Variants in GRID2 observed in about 807,000 individuals in gnomAD.
GRID2 encodes the protein glutamate ionotropic receptor delta type subunit 2, also known as glutamate receptor ionotropic, delta-2.
Under a neutral mutation model 114.8 loss-of-function variants are expected in GRID2, and 33 were observed. The ratio of observed to expected loss-of-function variants is 0.29; its 90% confidence interval spans 0.22 to 0.38. The LOEUF (loss-of-function observed/expected upper bound fraction) is 0.38, where lower values mean the gene tolerates loss of function less well. Ranked by LOEUF, GRID2 falls within the 10% of genes least tolerant of loss-of-function variation. The pLI is 1.00. For synonymous variants in GRID2, 505 were observed against 449.9 expected, an observed-to-expected ratio of 1.12 and a Z score of -1.55; for missense variants, 1,184 against 1,257.7, an observed-to-expected ratio of 0.94 and a Z score of 0.89.
intron 8 of GRID2, among the ~76,000 whole-genome samples, chr4:93,257,783 C>T (rs1287927591): frequency 2.0e-5 from 3 of 151,274 alleles, no homozygotes; most frequent in Non-Finnish European, 4.4e-5. Context: ...GAGTGCCCTA[C>T]TTGGTAATAT....
At chr4:93,259,271 G>A (rs559778706) in intron 8 of GRID2, among the ~76,000 whole-genome samples, 2 of 151,890 alleles carry the variant, frequency 1.3e-5, no homozygotes, top group South Asian at 4.1e-4. Flanking sequence ...GATTTAACTT[G>A]TCACTAGAAT....
chr4:93,686,446 G>T (rs1726086592), intron 14 of GRID2, among the ~76,000 whole-genome samples: 2 of 151,762 alleles, frequency 1.3e-5, no homozygotes, highest in Non-Finnish European at 2.9e-5. Flanking sequence ...GCTACTATGT[G>T]CCAGATATTG....
rs1657142852 is a variant in GRID2 at position 92,644,722 on chromosome 4, G to C, written c.244+54436G>C. 2.0e-5 allele frequency among the ~76,000 whole-genome samples: 3 copies of C among 151,462 alleles called. 1 individual carries two copies. The highest frequency in any genetic ancestry group is 6.6e-5 in the Admixed American group (1 of 15,140). ...TACTTATTGATAATGGACAAAATAT[G>C]TTTACTCTTTTTGTGAGGTCATCTT... is the stretch of plus-strand genomic sequence containing the variant. On this transcript the variant is annotated intron_variant, in intron 2 of 15. Transcript: ENST00000282020.
At chr4:92,367,321 T>C (rs746004382) in intron 1 of GRID2, among the ~76,000 whole-genome samples, 7 of 152,192 alleles carry the variant, frequency 4.6e-5, no homozygotes, top group South Asian at 2.1e-4. Flanking sequence ...ATAATGTGCA[T>C]GTACATCAAT....
intron 14 of GRID2, among the ~76,000 whole-genome samples, chr4:93,648,849 T>TA (rs1445962678): frequency 3.4e-5 from 5 of 146,612 alleles, no homozygotes; most frequent in African/African-American, 1.2e-4. Context: ...CTCTTTTTTT[T>TA]ACCATGTTTT....
intron 1 of GRID2, among the ~76,000 whole-genome samples, chr4:92,389,418 T>C (rs1730139362): frequency 6.6e-6 from 1 of 152,058 alleles, no homozygotes; most frequent in African/African-American, 2.4e-5. Flanking sequence ...TCACTAAATA[T>C]TCATGTGACC....
At chr4:93,431,774 T>A (rs1368858818) in intron 10 of GRID2, among the ~76,000 whole-genome samples, 2 of 152,106 alleles carry the variant, frequency 1.3e-5, no homozygotes, top group Admixed American at 1.3e-4. Context: ...AGTAAAATTA[T>A]AAGCTAAGGA....
intron 1 of GRID2, among the ~76,000 whole-genome samples, chr4:92,475,599 G>T (rs1722266503): frequency 6.6e-6 from 1 of 151,898 alleles, no homozygotes; most frequent in South Asian, 2.1e-4. Flanking sequence ...TTGAAATCCA[G>T]GTAGAGAGAT....
At chr4:92,722,324 A>G (rs575434578) in intron 2 of GRID2, among the ~76,000 whole-genome samples, 347 of 152,302 alleles carry the variant, frequency 2.3e-3, no homozygotes, top group Non-Finnish European at 4.1e-3. Flanking sequence ...AACGTGAGGC[A>G]GCACCAATCA....
chr4:92,543,700 T>C (rs1560701103), intron 1 of GRID2, among the ~76,000 whole-genome samples: 2 of 152,142 alleles, frequency 1.3e-5, no homozygotes, highest in African/African-American at 2.4e-5. Context: ...CACAAAAAAG[T>C]AATTCTTTCC....
chr4:93,690,419 A>C (rs1726459104), intron 14 of GRID2, among the ~76,000 whole-genome samples: 1 of 152,014 alleles, frequency 6.6e-6, no homozygotes, highest in South Asian at 2.1e-4. Context: ...ATAACACTGC[A>C]GTGAACATAT....
chr4:93,765,516 C>G (rs1733580229), intron 14 of GRID2, among the ~76,000 whole-genome samples: 1 of 151,742 alleles, frequency 6.6e-6, no homozygotes, highest in African/African-American at 2.4e-5. Context: ...TCTCCTATCG[C>G]TCAGCTGGCT....
chr4:93,524,245 A>G (rs1730614207), intron 13 of GRID2, among the ~76,000 whole-genome samples: 1 of 152,120 alleles, frequency 6.6e-6, no homozygotes, highest in South Asian at 2.1e-4. Context: ...ATACCACTGG[A>G]CTTGGAGGGA....
intron 1 of GRID2, among the ~76,000 whole-genome samples, chr4:92,524,407 C>CTTTTTTTTTTTTTTTTT (rs869060153): frequency 9.4e-6 from 1 of 106,564 alleles, no homozygotes; most frequent in Admixed American, 1.0e-4. Flanking sequence ...ATTTCCTTGT[C>CTTTTTTTTTTTTTTTTT]TTTTTTTTTT....
chr4:93,632,669 C>A lies in GRID2; in HGVS notation c.2360+6234C>A, dbSNP rs543231642. 1.1e-4 allele frequency among the ~76,000 whole-genome samples: 17 copies of A among 152,230 alleles called. No individual in the cohort carries two copies. In the South Asian group the frequency reaches 1.4e-3, roughly 13 times the overall value. ...GTAGCGTGATGCCTCCAGCTTTGTT[C>A]TTTTTGCTTAATATTGTCTTGGCAA... On this transcript the variant is annotated intron_variant, in intron 14 of 15. Coordinates refer to ENST00000282020, the MANE Select transcript of GRID2 (RefSeq NM_001510.4).
intron 4 of GRID2, among the ~76,000 whole-genome samples, chr4:93,183,211 A>T (rs1238402155): frequency 6.6e-6 from 1 of 152,186 alleles, no homozygotes; most frequent in African/African-American, 2.4e-5. Flanking sequence ...TTAAAAAAAA[A>T]TGAGGTGATC....
intron 1 of GRID2, among the ~76,000 whole-genome samples, chr4:92,557,440 G>C (rs1252332464): frequency 1.3e-5 from 2 of 151,134 alleles, no homozygotes; most frequent in Non-Finnish European, 3.0e-5. Context: ...ATTATGCATG[G>C]ATCTACAAAT....
chr4:92,697,220 T>G (rs1054133677), intron 2 of GRID2, among the ~76,000 whole-genome samples: 6 of 152,200 alleles, frequency 3.9e-5, no homozygotes, highest in African/African-American at 9.6e-5. Flanking sequence ...AATGTCTTGT[T>G]GTCTTAATGA....
intron 2 of GRID2, among the ~76,000 whole-genome samples, chr4:92,780,300 T>G (rs1739009743): frequency 6.6e-6 from 1 of 152,152 alleles, no homozygotes; most frequent in Non-Finnish European, 1.5e-5. Context: ...TAATTCAGAC[T>G]GTTTTAAATA....
Sources: allele counts gnomAD v4.1 joint callset (sites outside exome capture counted in the v4.1 genomes callset), GRCh38; gene constraint gnomAD v4.1.1; transcripts MANE v1.5; gene names NCBI Gene and HGNC (gene_info 2026-07-23, HGNC 2026-07-21).